Variants in NEK10 observed in about 807,000 individuals in gnomAD.
NEK10 encodes the protein NIMA related kinase 10.
NEK10 carries 122 observed loss-of-function variants against 159.8 expected under a neutral mutation model. The observed-to-expected ratio is 0.76, with a 90% confidence interval of 0.66 to 0.89. The LOEUF is 0.89. NEK10 is among the 40% of genes least tolerant of loss of function. NEK10 has a pLI of 0.00. For missense variants in NEK10, 1,342 were observed against 1,323.1 expected (o/e 1.01, Z -0.22); for synonymous variants, 466 against 457.1 (o/e 1.02, Z -0.25).
intron 23 of NEK10, chr3:27,214,998 CCGG>C: frequency 1.5e-6 from 1 of 675,854 alleles, no homozygotes; most frequent in Non-Finnish European, 2.8e-6. Flanking sequence ...GGTCCCACTT[CCGG>C]CCAAGCTCCA....
chr3:27,339,705 G>C (rs2047062251), intron 5 of NEK10, among the ~76,000 whole-genome samples: 1 of 151,688 alleles, frequency 6.6e-6, no homozygotes, highest in African/African-American at 2.4e-5. Context: ...CTTGAACTCG[G>C]GAGGTAGAAG....
intron 1 of NEK10, among the ~76,000 whole-genome samples, chr3:27,356,253 G>C (rs2048318990): frequency 6.6e-6 from 1 of 152,116 alleles, no homozygotes; most frequent in South Asian, 2.1e-4. Flanking sequence ...GCTCATACCT[G>C]TATTCCTAAC....
chr3:27,172,455 G>C (rs1036962891), intron 28 of NEK10, among the ~76,000 whole-genome samples: 1 of 148,632 alleles, frequency 6.7e-6, no homozygotes, highest in Admixed American at 6.7e-5. Context: ...ATATCCAAAA[G>C]AAGGGAAGTT....
intron 32 of NEK10, among the ~76,000 whole-genome samples, chr3:27,130,833 CT>C (rs1000397358): frequency 6.6e-6 from 1 of 152,154 alleles, no homozygotes; most frequent in African/African-American, 2.4e-5. Flanking sequence ...CTTTGATCTC[CT>C]TCAGCTTTGT....
chr3:27,333,891 C>T (rs1384809472), intron 5 of NEK10, among the ~76,000 whole-genome samples: 1 of 152,214 alleles, frequency 6.6e-6, no homozygotes, highest in Non-Finnish European at 1.5e-5. Flanking sequence ...ACAAGTGGCA[C>T]ACATGCTTAA....
intron 23 of NEK10, among the ~76,000 whole-genome samples, chr3:27,250,046 T>C (rs1225906426): frequency 6.6e-6 from 1 of 152,194 alleles, no homozygotes; most frequent in Non-Finnish European, 1.5e-5. Context: ...ACTTATTGTT[T>C]CTCTTTATAT....
chr3:27,184,370 A>G (rs1276468093), intron 26 of NEK10, among the ~76,000 whole-genome samples: 1 of 152,224 alleles, frequency 6.6e-6, no homozygotes, highest in Non-Finnish European at 1.5e-5. Flanking sequence ...CAGGCAAAGT[A>G]ATTTATAGTG....
intron 31 of NEK10, among the ~76,000 whole-genome samples, chr3:27,132,755 GT>G (rs1942768049): frequency 6.6e-6 from 1 of 152,098 alleles, no homozygotes; most frequent in South Asian, 2.1e-4. Context: ...AAGAAATTGG[GT>G]CAGGATTAAA....
At chr3:27,199,888 T>A (rs763439234) in intron 25 of NEK10, among the ~76,000 whole-genome samples, 4 of 152,108 alleles carry the variant, frequency 2.6e-5, no homozygotes, top group Non-Finnish European at 5.9e-5. Context: ...TGTTTTCACT[T>A]GTAAGTGGGA....
At chr3:27,344,401 T>C in intron 4 of NEK10, 31 bp from the exon 5 acceptor site, 1 of 1,167,820 alleles carries the variant, frequency 8.6e-7, no homozygotes, top group Non-Finnish European at 1.3e-6. Flanking sequence ...AAGGATTTTG[T>C]AATAGAGATC....
At chr3:27,339,687 G>A (rs985606321) in intron 5 of NEK10, among the ~76,000 whole-genome samples, 1 of 151,176 alleles carries the variant, frequency 6.6e-6, no homozygotes, top group Non-Finnish European at 1.5e-5. Context: ...GCTAAGGCAG[G>A]AGAATTGCTT....
intron 25 of NEK10, among the ~76,000 whole-genome samples, chr3:27,199,676 C>A (rs1949876246): frequency 6.6e-6 from 1 of 152,170 alleles, no homozygotes; most frequent in African/African-American, 2.4e-5. Flanking sequence ...CATTGCAGCA[C>A]TATTCACAAT....
chr3:27,119,064 C>CTCTTAGAAT (rs975809860), intron 33 of NEK10, among the ~76,000 whole-genome samples: 2 of 152,182 alleles, frequency 1.3e-5, no homozygotes, highest in Non-Finnish European at 2.9e-5. Context: ...TGAAAGCTTC[C>CTCTTAGAAT]TCTTAGAATT....
intron 12 of NEK10, among the ~76,000 whole-genome samples, chr3:27,303,448 G>A (rs1006881113): frequency 6.6e-6 from 1 of 152,076 alleles, no homozygotes; most frequent in Non-Finnish European, 1.5e-5. Context: ...CCACCACCAT[G>A]ATCATCATTA....
At chr3:27,366,501 TGTGACAGGCAGA>T (rs1349242673) in intron 1 of NEK10, among the ~76,000 whole-genome samples, 7 of 152,346 alleles carry the variant, frequency 4.6e-5, no homozygotes, top group Middle Eastern at 3.4e-3. Flanking sequence ...CTTGACTGGC[TGTGACAGGCAGA>T]GTAACATTCC....
rs149306514 is a variant in NEK10 at position 27,232,673 on chromosome 3, C to T, written c.2090+23623G>A. On this transcript the variant is annotated intron_variant, in intron 23 of 35. Coordinates refer to ENST00000691995, the MANE Select transcript of NEK10 (RefSeq NM_001394966.1). ...CCAGACTTCAAATTATACTACAAGG[C>T]TATAGTTAGCAAACAGCATGTTACT... Among the ~76,000 whole-genome samples the T allele has an allele frequency of 3.0e-3, 452 of 152,080 alleles. 4 individuals carry two copies. Among genetic ancestry groups the T allele is most frequent in the African/African-American group, 9.2e-3 (383 of 41,522 alleles).
At chr3:27,287,878 TATC>T (rs1474827380) in intron 19 of NEK10, 135 bp from the exon 20 acceptor site, 5 of 999,208 alleles carry the variant, frequency 5.0e-6, no homozygotes, top group African/African-American at 3.4e-5. Context: ...CATTTCAAGA[TATC>T]ATCGAACTGA....
At chr3:27,330,631 A>G (rs1027552723) in intron 5 of NEK10, among the ~76,000 whole-genome samples, 3 of 152,336 alleles carry the variant, frequency 2.0e-5, no homozygotes, top group African/African-American at 7.2e-5. Flanking sequence ...AATTTAATGC[A>G]AAGAAATTCC....
In NEK10 at chr3:27,140,337, G is replaced by A. The variant is rs73036912; in HGVS notation, c.2970+1145C>T. Among the ~76,000 whole-genome samples, 155 of 152,224 alleles carry A rather than the reference G, an allele frequency of 1.0e-3. 1 individual carries two copies. The highest frequency in any genetic ancestry group is 1.9e-3 in the Non-Finnish European group (130 of 68,020). On this transcript the variant is annotated intron_variant, in intron 31 of 35. Coordinates refer to ENST00000691995, the MANE Select transcript of NEK10 (RefSeq NM_001394966.1). ...GGAAAGCTGGGACCCCTTGAGGAAG[G>A]CCCCTGAAATATTACTACAAGTGCA...
Sources: gnomAD v4.1 joint callset for allele counts (sites outside exome capture counted in the v4.1 genomes callset) on GRCh38, gnomAD v4.1.1 for gene constraint, MANE v1.5 for transcripts, NCBI Gene and HGNC (gene_info 2026-07-23, HGNC 2026-07-21) for gene names.